The following TBC1D12 variants were observed in gnomAD, a reference collection of about 807,000 sequenced individuals.
TBC1D12 encodes the protein TBC1 domain family, member 12.
In TBC1D12, 56 loss-of-function variants were observed where a neutral mutation model predicts 86.7. The observed-to-expected ratio is 0.65, with a 90% confidence interval of 0.52 to 0.81. The LOEUF (loss-of-function observed/expected upper bound fraction) is 0.81, where lower values mean the gene tolerates loss of function less well. Ranked by LOEUF, TBC1D12 falls within the 30% of genes least tolerant of loss-of-function variation. The pLI is 0.00. For missense variants in TBC1D12, 1,023 were observed against 1,038.8 expected (o/e 0.98, Z 0.21); for synonymous variants, 421 against 411.7 (o/e 1.02, Z -0.27).
intron 5 of TBC1D12, among the ~76,000 whole-genome samples, chr10:94,497,610 C>T (rs1481479071): frequency 1.3e-5 from 2 of 150,654 alleles, no homozygotes; most frequent in Non-Finnish European, 3.0e-5. Flanking sequence ...AGCTCCGCCT[C>T]CCGGGTTCAC....
At chr10:94,412,170 A>G (rs1213572824) in intron 1 of TBC1D12, among the ~76,000 whole-genome samples, 1 of 152,200 alleles carries the variant, frequency 6.6e-6, no homozygotes, top group Admixed American at 6.5e-5. Flanking sequence ...AAATGGGGAT[A>G]ATAATAATGC....
Position 94,534,709 on chromosome 10 carries a change from G to A in TBC1D12, c.*1613G>A, listed in dbSNP as rs1842511317. 1 of 152,170 alleles carries A rather than the reference G, an allele frequency of 6.6e-6. No individual in the cohort carries two copies. Among genetic ancestry groups the A allele is most frequent in the South Asian group, 2.1e-4 (1 of 4,824 alleles). The allele number at this position is 152,170 out of a possible 1,614,324, so 9.4% of individuals were successfully genotyped here. Reference sequence around the variant, plus strand: ...GAATGCTTTGCCTGTGGGCCCAACAGTGTCATGACCCTCCAATTGAAACAT... The same window carrying A: ...GAATGCTTTGCCTGTGGGCCCAACAATGTCATGACCCTCCAATTGAAACAT... On this transcript the variant is annotated 3_prime_UTR_variant, in exon 13 of 13. Coordinates refer to ENST00000225235, the MANE Select transcript of TBC1D12 (RefSeq NM_015188.2).
chr10:94,446,352 A>G lies in TBC1D12; in HGVS notation c.1095+4333A>G, dbSNP rs116332223. Among the ~76,000 whole-genome samples the G allele has an allele frequency of 4.6e-3, 700 of 152,270 alleles. 6 individuals are homozygous for G. Among genetic ancestry groups the G allele is most frequent in the African/African-American group, 0.016 (672 of 41,536 alleles). On this transcript the variant is annotated intron_variant, in intron 2 of 12. Coordinates refer to ENST00000225235, the MANE Select transcript of TBC1D12 (RefSeq NM_015188.2). ...CTGTCATGTTTTGGGATAGGTTCTT[A>G]AGCTGTTAAGGCTTTAGGAAATGAA...
At chr10:94,455,490 A>G (rs1011585707) in intron 2 of TBC1D12, among the ~76,000 whole-genome samples, 1 of 152,194 alleles carries the variant, frequency 6.6e-6, no homozygotes. Flanking sequence ...AATGTTTGGT[A>G]GAATTCATCA....
In TBC1D12 at chr10:94,514,888, G is replaced by A. The variant is rs2056569657; in HGVS notation, c.1761+3234G>A. The stretch of plus-strand genomic sequence containing the variant: ...GTACTAATTTACATTCCTATAAACA[G>A]TGTGCAAGTTTTTTTTTTCTTTTTT... On this transcript the variant is annotated intron_variant, in intron 9 of 12. Coordinates refer to ENST00000225235, the MANE Select transcript of TBC1D12 (RefSeq NM_015188.2). Among the ~76,000 whole-genome samples the A allele has an allele frequency of 3.3e-5, 5 of 150,120 alleles. No homozygotes were observed. The South Asian group carries it at 1.1e-3, about 32-fold the overall frequency.
intron 9 of TBC1D12, among the ~76,000 whole-genome samples, chr10:94,517,194 A>G (rs1286770616): frequency 6.6e-6 from 1 of 152,172 alleles, no homozygotes; most frequent in East Asian, 1.9e-4. Context: ...CCTTGCCAAC[A>G]TGCCAAAATC....
chr10:94,406,397 C>T (rs1173390616), intron 1 of TBC1D12, among the ~76,000 whole-genome samples: 2 of 152,130 alleles, frequency 1.3e-5, no homozygotes, highest in African/African-American at 4.8e-5. Context: ...CTCTAGGAGT[C>T]AGTGCTTCCT....
At chr10:94,423,387 G>C (rs548468614) in intron 1 of TBC1D12, among the ~76,000 whole-genome samples, 1 of 105,456 alleles carries the variant, frequency 9.5e-6, no homozygotes, top group African/African-American at 3.6e-5. Context: ...CACTCTTGTT[G>C]CCCAGGCTGG....
At chr10:94,500,454 G>A (rs2056380621) in intron 6 of TBC1D12, 127 bp downstream of exon 6, 1 of 590,344 alleles carries the variant, frequency 1.7e-6, no homozygotes. Context: ...TTAAAAGCAT[G>A]CTTCATCCCC....
At chr10:94,530,299 A>G (rs1842390008) in intron 11 of TBC1D12, among the ~76,000 whole-genome samples, 1 of 152,220 alleles carries the variant, frequency 6.6e-6, no homozygotes, top group Admixed American at 6.5e-5. Flanking sequence ...CATTGTCAGA[A>G]AGGTTGGGAA....
rs561168700 is a variant in TBC1D12, at chr10:94,411,708, G to A, written c.971+8124G>A. On this transcript the variant is annotated intron_variant, in intron 1 of 12. Transcript: ENST00000225235. ...TGCGTGGTTGGGCCCAGTGGCTCAT[G>A]CCTGCATTCGGAGCCCAAGGTGGGG... is the stretch of plus-strand genomic sequence containing the variant. Among the ~76,000 whole-genome samples, 3 of 152,312 alleles carry A rather than the reference G, an allele frequency of 2.0e-5. No homozygotes were observed. The East Asian group carries it at 5.8e-4, about 29-fold the overall frequency.
intron 1 of TBC1D12, among the ~76,000 whole-genome samples, chr10:94,418,002 C>T (rs1012425432): frequency 2.0e-5 from 3 of 152,136 alleles, no homozygotes; most frequent in African/African-American, 7.2e-5. Flanking sequence ...GATCCGCCCA[C>T]CTCGGTCTCC....
chr10:94,415,576 A>G (rs2054988550), intron 1 of TBC1D12, among the ~76,000 whole-genome samples: 1 of 152,178 alleles, frequency 6.6e-6, no homozygotes, highest in African/African-American at 2.4e-5. Flanking sequence ...TAGTAAAAAT[A>G]CAAAAAAACT....
rs371552237 is a variant in TBC1D12 at position 94,493,399 on chromosome 10, C to T, written c.1246C>T (p.Arg416Cys). 6.2e-6 allele frequency: 10 copies of T among 1,612,424 alleles called. No homozygotes were observed. Among genetic ancestry groups the T allele is most frequent in the South Asian group, 5.5e-5 (5 of 90,406 alleles). Residue 416 changes from arginine (R) to cysteine (C), a missense_variant, in exon 4 of 13, where the codon CGT (arginine) becomes TGT (cysteine). Arg to Cys is a radical substitution (Grantham distance 180, BLOSUM62 -3). Around this residue, in one of 2 missense-constraint regions of TBC1D12, gnomAD observed 395 missense variants for 507.7 expected, o/e 0.78. Coordinates refer to ENST00000225235, the MANE Select transcript of TBC1D12 (RefSeq NM_015188.2). ...LPAKSVEEAL[R>C]HRQEYDEMVA... ...TGCCAAATCTGTGGAAGAAGCTTTA[C>T]GTCACCGACAAGAATACGATGAGAT...
At chr10:94,421,630 G>T (rs2055075329) in intron 1 of TBC1D12, among the ~76,000 whole-genome samples, 1 of 152,118 alleles carries the variant, frequency 6.6e-6, no homozygotes, top group African/African-American at 2.4e-5. Context: ...TCTAAAAGCT[G>T]CAGCATTTTA....
intron 9 of TBC1D12, among the ~76,000 whole-genome samples, chr10:94,521,238 C>CCAAAAAAAAAAAAAAAACA (rs1842145576): frequency 2.4e-5 from 3 of 122,752 alleles, no homozygotes; most frequent in South Asian, 2.7e-4. Context: ...AAAAAAAAAA[C>CCAAAAAAAAAAAAAAAACA]AAAAAAAAAA....
chr10:94,488,426 T>G (rs1159858341), intron 3 of TBC1D12, among the ~76,000 whole-genome samples: 2 of 124,366 alleles, frequency 1.6e-5, no homozygotes, highest in African/African-American at 6.2e-5. Context: ...AGTCTTGCAC[T>G]GTAGCCCAGG....
chr10:94,415,472 G>T (rs992174624), intron 1 of TBC1D12, among the ~76,000 whole-genome samples: 3 of 152,196 alleles, frequency 2.0e-5, no homozygotes, highest in Admixed American at 2.0e-4. Context: ...GGTGGCTCAT[G>T]CCTGCAATCC....
At chr10:94,418,034 G>A (rs530376316) in intron 1 of TBC1D12, among the ~76,000 whole-genome samples, 4 of 152,086 alleles carry the variant, frequency 2.6e-5, no homozygotes, top group Non-Finnish European at 4.4e-5. Flanking sequence ...GATTACAGAC[G>A]TGAGCCACCG....
Sources: gnomAD v4.1 joint callset for allele counts (sites outside exome capture counted in the v4.1 genomes callset) on GRCh38, gnomAD v4.1.1 for gene constraint, gnomAD v4.1.1 regional missense constraint, MANE v1.5 for transcripts, NCBI Gene and HGNC (gene_info 2026-07-23, HGNC 2026-07-21) for gene names.